The following TPCN1 variants were observed in gnomAD, a reference collection of about 807,000 sequenced individuals.
TPCN1 encodes the protein two pore segment channel 1.
In TPCN1, 52 loss-of-function variants were observed where a neutral mutation model predicts 108.8. The ratio of observed to expected loss-of-function variants is 0.48; its 90% CI spans 0.38 to 0.60. The LOEUF is 0.60. TPCN1 is among the 20% of genes least tolerant of loss of function. The pLI is 0.00. For missense variants in TPCN1, 806 were observed against 1,072.8 expected, an observed-to-expected ratio of 0.75 and a Z score of 3.47; for synonymous variants, 446 against 433.7, an observed-to-expected ratio of 1.03 and a Z score of -0.35.
At position 113,297,750 on chromosome 12, in the gene TPCN1, G is replaced by C. The variant is rs990046731; in HGVS notation, c.*1674G>C. The stretch of plus-strand genomic sequence containing the variant: ...GTCCTCTTCCTCTCTGGAGGGCCAT[G>C]GGCCATCAGCAGGAGCTCCACATCG... On this transcript the variant is annotated 3_prime_UTR_variant, in exon 28 of 28. Coordinates refer to ENST00000335509, the MANE Select transcript of TPCN1 (RefSeq NM_017901.6). The surrounding 1 kb of genome is among the most constrained non-coding windows in gnomAD (Gnocchi z 4.4). 6.6e-6 allele frequency: 1 copy of C among 152,372 alleles called. No homozygotes were observed. The highest frequency in any genetic ancestry group is 2.4e-5 in the African/African-American group (1 of 41,458). The allele number at this position is 152,372 out of a possible 1,614,324, so 9.4% of individuals were successfully genotyped here. A position where few individuals can be genotyped will look rare whatever the true frequency, so the allele number is the denominator to read the frequency against.
At chr12:113,292,840 A>G in intron 25 of TPCN1, 94 bp from the exon 26 acceptor site, 1 of 1,404,196 alleles carries the variant, frequency 7.1e-7, no homozygotes, top group South Asian at 1.3e-5. Flanking sequence ...GAACCTTAAG[A>G]CCCCCTGCGG....
chr12:113,283,700 G>T (rs995421620), intron 15 of TPCN1, among the ~76,000 whole-genome samples: 7 of 152,054 alleles, frequency 4.6e-5, no homozygotes, highest in Admixed American at 4.6e-4. Flanking sequence ...TAGAGAGAGG[G>T]TCTTGCTCTG....
In TPCN1 at chr12:113,266,643, G is replaced by A. The variant is rs568839717; in HGVS notation, c.414+287G>A. On this transcript the variant is annotated intron_variant, in intron 4 of 27. Coordinates refer to ENST00000335509, the MANE Select transcript of TPCN1 (RefSeq NM_017901.6). The surrounding 1 kb of genome is among the most constrained non-coding windows in gnomAD (Gnocchi z 4.2). ...CAGTGCCCACACCTTGGCTCCGGGTGGGGAGGGCACCCAGTGGACAGTCCC... is the reference window on the plus strand; with the variant it reads ...CAGTGCCCACACCTTGGCTCCGGGTAGGGAGGGCACCCAGTGGACAGTCCC... 4.6e-5 allele frequency among the ~76,000 whole-genome samples: 7 copies of A among 152,320 alleles called. No individual in the cohort carries two copies. The highest frequency in any genetic ancestry group is 1.7e-4 in the African/African-American group (7 of 41,562).
At chr12:113,258,142 G>A (rs1389377923) in intron 2 of TPCN1, among the ~76,000 whole-genome samples, 1 of 152,122 alleles carries the variant, frequency 6.6e-6, no homozygotes, top group Non-Finnish European at 1.5e-5. Context: ...ACTGTTTATT[G>A]TGGCACAACT....
Position 113,272,508 on chromosome 12 carries a change from G to A in TPCN1, c.749-150G>A, listed in dbSNP as rs1257029474. 1.3e-6 allele frequency: 1 copy of A among 755,482 alleles called. No homozygotes were observed. Among genetic ancestry groups the A allele is most frequent in the Non-Finnish European group, 2.4e-6 (1 of 419,740 alleles). 46.8% of individuals were successfully genotyped at this position (755,482 alleles called of 1,614,324 possible). On this transcript the variant is annotated intron_variant, in intron 7 of 27. Transcript: ENST00000335509. This position sits in a 1 kb window ranked among gnomAD's most constrained non-coding sequence, Gnocchi z 4.1. ...GCCCTGCTCCCTTCCAACAGAGCAT[G>A]TGTTCTCAGGGTGCTGTGGTCCCCA...
intron 27 of TPCN1, among the ~76,000 whole-genome samples, chr12:113,295,198 T>G (rs1424659651): frequency 1.3e-5 from 2 of 152,218 alleles, no homozygotes; most frequent in Non-Finnish European, 2.9e-5. Context: ...CCTGTCCATC[T>G]GCTCCAGGCC....
At chr12:113,285,616 T>C (rs576843503) in intron 17 of TPCN1, among the ~76,000 whole-genome samples, 2 of 152,340 alleles carry the variant, frequency 1.3e-5, no homozygotes, top group Admixed American at 1.3e-4. Flanking sequence ...GCTCAAGTGG[T>C]CCTCCTCTCT....
At chr12:113,293,692 G>C (rs1237162893) in intron 27 of TPCN1, among the ~76,000 whole-genome samples, 1 of 152,096 alleles carries the variant, frequency 6.6e-6, no homozygotes, top group Non-Finnish European at 1.5e-5. Context: ...AAAGAGCGGC[G>C]ACCGTGGTGA....
At chr12:113,293,533 A>C (rs1250360964) in intron 27 of TPCN1, among the ~76,000 whole-genome samples, 184 bp downstream of exon 27, 2 of 151,822 alleles carry the variant, frequency 1.3e-5, no homozygotes, top group African/African-American at 2.4e-5. Flanking sequence ...TGAACCCTTG[A>C]CTCGTGCCCA....
intron 17 of TPCN1, among the ~76,000 whole-genome samples, chr12:113,285,424 G>A (rs950070102): frequency 6.6e-6 from 1 of 152,212 alleles, no homozygotes; most frequent in Non-Finnish European, 1.5e-5. Context: ...AAGCTGGAGT[G>A]CAGTGGCGTG....
chr12:113,268,009 C>T lies in TPCN1; in HGVS notation c.528+53C>T. 1 of 1,226,940 alleles carries T rather than the reference C, an allele frequency of 8.2e-7. No individual in the cohort carries two copies. Among genetic ancestry groups the T allele is most frequent in the Non-Finnish European group, 1.2e-6 (1 of 846,692 alleles). 76.0% of individuals were successfully genotyped at this position (1,226,940 alleles called of 1,614,324 possible). On this transcript the variant is annotated intron_variant, in intron 5 of 27. Transcript: ENST00000335509. This position sits in a 1 kb window ranked among gnomAD's most constrained non-coding sequence, Gnocchi z 7.3. The stretch of plus-strand genomic sequence containing the variant: ...CCTCACAGCCTTTTCTCCCATGTCA[C>T]CTTCAAACCTGTCTCTTTGGTACAA...
chr12:113,287,050 G>A lies in TPCN1; in HGVS notation c.1590G>A (p.Glu530=), dbSNP rs960396684. Residue 530 remains glutamate, a synonymous_variant, in exon 19 of 28, where the codon GAG becomes GAA. Transcript: ENST00000335509. The part of the protein sequence containing the change: ...LGLLALALNM[E]PFYFIVVLRP... ...TGCTGGCGCTGGCCCTCAACATGGA[G>A]CCCTTCTATTTCATCGTGGTCCTGC... The A allele has an allele frequency of 1.9e-6, 3 of 1,613,842 alleles. No individual in the cohort carries two copies. The highest frequency in any genetic ancestry group is 1.3e-5 in the African/African-American group (1 of 74,920).
At chr12:113,223,030 T>C (rs1177598977) in intron 1 of TPCN1, among the ~76,000 whole-genome samples, 2 of 152,164 alleles carry the variant, frequency 1.3e-5, no homozygotes, top group Non-Finnish European at 2.9e-5. Flanking sequence ...AAAACGACAA[T>C]ACAACCATAA....
At chr12:113,274,052 A>G (rs1318965239) in intron 10 of TPCN1, among the ~76,000 whole-genome samples, 1 of 152,202 alleles carries the variant, frequency 6.6e-6, no homozygotes, top group Non-Finnish European at 1.5e-5. Flanking sequence ...CCTTATATAA[A>G]ATGGCAGAGT....
intron 2 of TPCN1, among the ~76,000 whole-genome samples, chr12:113,233,523 G>GC (rs1180991419): frequency 5.9e-5 from 9 of 152,232 alleles, no homozygotes; most frequent in Admixed American, 5.9e-4. Flanking sequence ...CAGCCCCCAC[G>GC]CCGCCTTCCT....
At chr12:113,244,317 C>G (rs1954264497) in intron 2 of TPCN1, 1 of 985,420 alleles carries the variant, frequency 1.0e-6, no homozygotes, top group South Asian at 4.7e-5. Context: ...TGGAGGCCAG[C>G]AATTCAACTG....
chr12:113,283,478 T>C (rs973625319), intron 15 of TPCN1, among the ~76,000 whole-genome samples: 1 of 151,664 alleles, frequency 6.6e-6, no homozygotes, highest in Non-Finnish European at 1.5e-5. Flanking sequence ...CTACAAAAAA[T>C]ACAAAAATTA....
chr12:113,278,616 C>T (rs1011904566), intron 13 of TPCN1, among the ~76,000 whole-genome samples, 156 bp from the exon 14 acceptor site: 7 of 152,206 alleles, frequency 4.6e-5, no homozygotes, highest in Non-Finnish European at 8.8e-5. Context: ...ACGCTCGGTA[C>T]ACACTGGCTG....
Position 113,221,471 on chromosome 12 carries a change from C to A in TPCN1, c.-281C>A, listed in dbSNP as rs540239282. The A allele has an allele frequency of 3.9e-4, 129 of 328,246 alleles. No individual in the cohort carries two copies. The highest frequency in any genetic ancestry group is 2.6e-3 in the African/African-American group (122 of 46,450). 20.3% of individuals were successfully genotyped at this position (328,246 alleles called of 1,614,324 possible). A position where few individuals can be genotyped will look rare whatever the true frequency, so the allele number is the denominator to read the frequency against. On this transcript the variant is annotated 5_prime_UTR_variant, in exon 1 of 28. Transcript: ENST00000335509. ...GGTAGGCGGTGGATAGGAGAGCTGG[C>A]GCAGCTGCCCTGGTGGCAGTGGCTG...
Sources: gnomAD v4.1 joint callset for allele counts (sites outside exome capture counted in the v4.1 genomes callset) on GRCh38, gnomAD v4.1.1 for gene constraint, Gnocchi (gnomAD v3.1) non-coding constraint, MANE v1.5 for transcripts, NCBI Gene and HGNC (gene_info 2026-07-23, HGNC 2026-07-21) for gene names.